Variants in BLTP1 observed in about 807,000 individuals in gnomAD.
BLTP1 encodes fragile site-associated protein.
the BLTP1 span, chr4:122,276,042 T>A: frequency 6.4e-7 from 1 of 1,568,686 alleles, no homozygotes; most frequent in Non-Finnish European, 8.6e-7. Flanking sequence ...ATTATTCTTT[T>A]TCATGGCTTT....
the BLTP1 span, chr4:122,305,059 GTAT>G: frequency 3.0e-6 from 4 of 1,347,720 alleles, no homozygotes; most frequent in East Asian, 5.2e-5. Context: ...TGTAACTTAT[GTAT>G]TATTATATTT....
the BLTP1 span, chr4:122,299,689 G>A: frequency 2.1e-4 from 92 of 442,500 alleles, 1 homozygote; most frequent in Non-Finnish European, 2.7e-4. Context: ...GATGGGAAGA[G>A]GTAGTTGATA....
At chr4:122,170,021 AT>A in the BLTP1 span, 1,189 of 984,368 alleles carry the variant, frequency 1.2e-3, 1 homozygote, top group Non-Finnish European at 1.4e-3. Flanking sequence ...TTAAAGAATA[AT>A]CACGCTGGGC....
the BLTP1 span, among the ~76,000 whole-genome samples, chr4:122,164,668 T>G: frequency 6.6e-6 from 1 of 152,198 alleles, no homozygotes; most frequent in Non-Finnish European, 1.5e-5. Flanking sequence ...CTATATAGAA[T>G]TTTGTTAGCC....
the BLTP1 span, chr4:122,208,115 TG>T: frequency 1.0e-6 from 1 of 983,296 alleles, no homozygotes; most frequent in South Asian, 4.7e-5. Context: ...GTATTAATAG[TG>T]GTTATACTGG....
the BLTP1 span, among the ~76,000 whole-genome samples, chr4:122,273,984 G>A: frequency 3.3e-5 from 5 of 151,930 alleles, no homozygotes; most frequent in African/African-American, 1.2e-4. Flanking sequence ...GGTTTATGTG[G>A]TTTCTTTTTC....
chr4:122,274,742 T>A, the BLTP1 span: 2 of 414,170 alleles, frequency 4.8e-6, no homozygotes, highest in Non-Finnish European at 6.5e-6. Flanking sequence ...ATATTATGAC[T>A]AGTTAATGTT....
chr4:122,201,221 T>C, the BLTP1 span: 1 of 886,050 alleles, frequency 1.1e-6, no homozygotes, highest in South Asian at 2.3e-5. Context: ...AGGGATATGA[T>C]ATGATTCATA....
chr4:122,349,628 C>T, the BLTP1 span: 1 of 1,600,498 alleles, frequency 6.2e-7, no homozygotes, highest in Non-Finnish European at 8.5e-7. The surrounding 1 kb of genome is among the most constrained non-coding windows in gnomAD (Gnocchi z 4.5). Context: ...TGGATTCAAG[C>T]ATAACTGATA....
At chr4:122,209,695 TTA>T in the BLTP1 span, 1 of 1,248,796 alleles carries the variant, frequency 8.0e-7, no homozygotes. Flanking sequence ...TATTTTGTGC[TTA>T]TATGTGGAGA....
chr4:122,222,969 T>C, the BLTP1 span: 33 of 954,674 alleles, frequency 3.5e-5, no homozygotes, highest in Non-Finnish European at 4.1e-5. Flanking sequence ...CCACATGTAA[T>C]TTTGAGATTA....
the BLTP1 span, among the ~76,000 whole-genome samples, chr4:122,273,754 C>G: frequency 6.6e-6 from 1 of 151,836 alleles, no homozygotes; most frequent in East Asian, 1.9e-4. Flanking sequence ...ACAAAGAAGC[C>G]GCCAAGTGTC....
the BLTP1 span, chr4:122,235,150 G>A: frequency 1.2e-5 from 11 of 927,070 alleles, no homozygotes; most frequent in Non-Finnish European, 1.7e-5. Flanking sequence ...GTAGGGTTTA[G>A]TATAATCCAC....
the BLTP1 span, chr4:122,263,401 G>T: frequency 2.6e-6 from 4 of 1,513,648 alleles, no homozygotes; most frequent in African/African-American, 1.4e-5. Context: ...TTGCTCCTTA[G>T]TATATAAATA....
At chr4:122,335,427 A>G in the BLTP1 span, among the ~76,000 whole-genome samples, 1 of 152,136 alleles carries the variant, frequency 6.6e-6, no homozygotes, top group Non-Finnish European at 1.5e-5. Flanking sequence ...TACCGTACAT[A>G]CATGGCAGGA....
the BLTP1 span, chr4:122,355,745 G>A: frequency 6.6e-7 from 1 of 1,516,188 alleles, no homozygotes; most frequent in Non-Finnish European, 8.9e-7. Flanking sequence ...ATATAGGCTT[G>A]TCAATGCCTA....
the BLTP1 span, chr4:122,199,873 A>G: frequency 1.0e-6 from 1 of 964,690 alleles, no homozygotes; most frequent in Non-Finnish European, 1.2e-6. Flanking sequence ...AAAATGAAGA[A>G]AATCTTGTTG....
At chr4:122,212,759 G>A in the BLTP1 span, among the ~76,000 whole-genome samples, 1 of 152,106 alleles carries the variant, frequency 6.6e-6, no homozygotes, top group Admixed American at 6.5e-5. Context: ...ATAGGTTATT[G>A]TTTTCATACA....
chr4:122,186,258 C>T, the BLTP1 span: 1 of 1,534,802 alleles, frequency 6.5e-7, no homozygotes, highest in Non-Finnish European at 8.8e-7. Context: ...TAAACTCTAG[C>T]ATTTAAACAT....
Sources: allele counts gnomAD v4.1 joint callset (sites outside exome capture counted in the v4.1 genomes callset), GRCh38; gene constraint gnomAD v4.1.1; non-coding constraint Gnocchi (gnomAD v3.1); transcripts MANE v1.5; gene names NCBI Gene and HGNC (gene_info 2026-07-23, HGNC 2026-07-21).